The following PPP2R3A variants were observed in gnomAD, a reference collection of about 807,000 sequenced individuals.
PPP2R3A encodes the protein serine/threonine-protein phosphatase 2A regulatory subunit B'' subunit alpha.
PPP2R3A carries 80 observed loss-of-function variants against 106.9 expected under a neutral mutation model. The ratio of observed to expected loss-of-function variants is 0.75; its 90% confidence interval spans 0.62 to 0.90. PPP2R3A has a LOEUF of 0.90. PPP2R3A is among the 40% of genes least tolerant of loss of function. The probability of loss-of-function intolerance (pLI) is 0.00; values close to 1 mark genes in which losing one functional copy is unlikely to be tolerated. For missense variants in PPP2R3A, 1,386 were observed against 1,350.4 expected (o/e 1.03, Z -0.41); for synonymous variants, 483 against 468.3 (o/e 1.03, Z -0.41).
chr3:136,003,574 T>G (rs1933734775), intron 2 of PPP2R3A, 81 bp downstream of exon 2: 1 of 1,345,088 alleles, frequency 7.4e-7, no homozygotes. Flanking sequence ...AAAACTTTTT[T>G]GTTAGCCATT....
At chr3:136,043,001 A>G (rs1310814628) in intron 4 of PPP2R3A, among the ~76,000 whole-genome samples, 1 of 152,036 alleles carries the variant, frequency 6.6e-6, no homozygotes, top group East Asian at 1.9e-4. Context: ...TGCATAAAGC[A>G]ATGTGGGCTC....
At chr3:136,139,582 A>G (rs1370983425) in intron 13 of PPP2R3A, among the ~76,000 whole-genome samples, 1 of 150,764 alleles carries the variant, frequency 6.6e-6, no homozygotes, top group Non-Finnish European at 1.5e-5. Context: ...AATCCCAACT[A>G]CTCACGTGGC....
chr3:135,981,170 G>C (rs2107759381), intron 1 of PPP2R3A, among the ~76,000 whole-genome samples: 1 of 151,938 alleles, frequency 6.6e-6, no homozygotes, highest in East Asian at 1.9e-4. Context: ...TCAGTAATTA[G>C]ACTTTTGTAA....
intron 13 of PPP2R3A, among the ~76,000 whole-genome samples, chr3:136,121,595 A>G (rs773302274): frequency 4.6e-5 from 7 of 152,226 alleles, no homozygotes; most frequent in Non-Finnish European, 8.8e-5. Context: ...TAAAAGTTGA[A>G]AAAGAAAAAA....
chr3:136,146,888 T>C lies in PPP2R3A; in HGVS notation c.*1722T>C, dbSNP rs1559948835. The C allele has an allele frequency of 6.6e-6, 1 of 152,158 alleles. No individual in the cohort carries two copies. Among genetic ancestry groups the C allele is most frequent in the East Asian group, 1.9e-4 (1 of 5,202 alleles). The allele number at this position is 152,158 out of a possible 1,614,324, so 9.4% of individuals were successfully genotyped here. A position where few individuals can be genotyped will look rare whatever the true frequency, so the allele number is the denominator to read the frequency against. ...AATACAAAAAAAAAAAAAATACTTT[T>C]CTTAGAAGCCAGATATGGTTTAAAT... On this transcript the variant is annotated 3_prime_UTR_variant, in exon 14 of 14. Coordinates refer to ENST00000264977, the MANE Select transcript of PPP2R3A (RefSeq NM_002718.5).
Position 136,002,097 on chromosome 3 carries a change from T to C in PPP2R3A, c.599T>C (p.Met200Thr), listed in dbSNP as rs777352964. 3 of 1,614,150 alleles carry C rather than the reference T, an allele frequency of 1.9e-6. No homozygotes were observed. The highest frequency in any genetic ancestry group is 2.2e-5 in the South Asian group (2 of 91,074). The change falls in exon 2 of 14, where the codon ATG (methionine) becomes ACG (threonine). Residue 200 changes from methionine to threonine, a missense_variant. Transcript: ENST00000264977. ...RNSLDTNLTS[M>T]FLQNFSEEDL... ...TCACTGGATACGAACCTGACTTCCA[T>C]GTTTCTTCAAAACTTTTCTGAAGAA...
At chr3:136,035,424 T>C (rs892921863) in intron 3 of PPP2R3A, among the ~76,000 whole-genome samples, 3 of 152,230 alleles carry the variant, frequency 2.0e-5, no homozygotes, top group African/African-American at 7.2e-5. Flanking sequence ...GGTGGCTTGG[T>C]AGTGGCGAAT....
At chr3:135,985,789 A>T in intron 1 of PPP2R3A, among the ~76,000 whole-genome samples, 1 of 152,294 alleles carries the variant, frequency 6.6e-6, no homozygotes, top group East Asian at 1.9e-4. Context: ...ATGTTGTGGG[A>T]AAAAAAGATC....
At chr3:136,124,238 T>A (rs756594988) in intron 13 of PPP2R3A, among the ~76,000 whole-genome samples, 18 of 152,164 alleles carry the variant, frequency 1.2e-4, no homozygotes, top group Non-Finnish European at 2.1e-4. Flanking sequence ...GCCAGTAATC[T>A]GAGCACTCTG....
chr3:136,088,741 C>T (rs1937020913), intron 9 of PPP2R3A, among the ~76,000 whole-genome samples: 2 of 152,174 alleles, frequency 1.3e-5, no homozygotes, highest in Admixed American at 1.3e-4. Flanking sequence ...TCTCCACAGC[C>T]TCACCAGCAT....
At chr3:136,037,145 G>A (rs1523600) in intron 3 of PPP2R3A, among the ~76,000 whole-genome samples, 46,687 of 152,100 alleles carry the variant, frequency 0.31, 7,422 homozygotes, top group African/African-American at 0.39. Context: ...TGGCACTCAA[G>A]TGTAGCTGTA....
At chr3:136,054,834 C>T (rs2107873507) in intron 5 of PPP2R3A, among the ~76,000 whole-genome samples, 1 of 152,270 alleles carries the variant, frequency 6.6e-6, no homozygotes, top group Admixed American at 6.5e-5. Context: ...GAGATAGCTG[C>T]TGTGTGTTTA....
intron 9 of PPP2R3A, 85 bp from the exon 10 acceptor site, chr3:136,090,493 T>C: frequency 8.9e-7 from 1 of 1,118,720 alleles, no homozygotes; most frequent in Non-Finnish European, 1.3e-6. Flanking sequence ...TTAACTGACA[T>C]ACTACTTTAT....
At chr3:136,050,899 G>A (rs1211078656) in intron 5 of PPP2R3A, among the ~76,000 whole-genome samples, 2 of 152,106 alleles carry the variant, frequency 1.3e-5, no homozygotes, top group Non-Finnish European at 2.9e-5. Flanking sequence ...TGGCTTTTAT[G>A]GCACTGTGCG....
At chr3:135,981,091 G>T (rs1342272265) in intron 1 of PPP2R3A, among the ~76,000 whole-genome samples, 1 of 151,934 alleles carries the variant, frequency 6.6e-6, no homozygotes, top group East Asian at 1.9e-4. Flanking sequence ...TGGGGATTTG[G>T]ACATAAGCTC....
intron 5 of PPP2R3A, among the ~76,000 whole-genome samples, chr3:136,062,717 C>CAA (rs34662666): frequency 8.7e-6 from 1 of 114,506 alleles, no homozygotes; most frequent in Non-Finnish European, 1.8e-5. Context: ...GACTCCATCT[C>CAA]AAAAAAAAAA....
At chr3:136,016,174 T>C (rs112259708) in intron 2 of PPP2R3A, among the ~76,000 whole-genome samples, 1,650 of 152,312 alleles carry the variant, frequency 0.011, 25 homozygotes, top group African/African-American at 0.037. Context: ...CACTTTGGTC[T>C]GAGAAAGTAC....
intron 10 of PPP2R3A, 56 bp downstream of exon 10, chr3:136,090,723 A>G: frequency 6.9e-7 from 1 of 1,444,420 alleles, no homozygotes; most frequent in Non-Finnish European, 9.7e-7. Flanking sequence ...AAAGCTTGAA[A>G]AAGTCATGGT....
Position 136,021,747 on chromosome 3 carries a change from CT to C in PPP2R3A, c.1996-5084del, listed in dbSNP as rs535993145. Among the ~76,000 whole-genome samples the C allele has an allele frequency of 1.5e-4, 23 of 152,090 alleles. No individual in the cohort carries two copies. In the South Asian group the frequency reaches 2.7e-3, roughly 18 times the overall value. On this transcript the variant is annotated intron_variant, in intron 2 of 13. Coordinates refer to ENST00000264977, the MANE Select transcript of PPP2R3A (RefSeq NM_002718.5). ...CCCTCTGTATCAATGTGTTCTACAT[CT>C]AGTTGGAAAATATTTGGGGAAAAAA... is the stretch of plus-strand genomic sequence containing the variant.
Sources: gnomAD v4.1 joint callset for allele counts (sites outside exome capture counted in the v4.1 genomes callset) on GRCh38, gnomAD v4.1.1 for gene constraint, MANE v1.5 for transcripts, NCBI Gene and HGNC (gene_info 2026-07-23, HGNC 2026-07-21) for gene names.